The following GALC variants were observed in gnomAD, a reference collection of about 807,000 sequenced individuals.
GALC encodes the protein galactosylceramidase.
Under a neutral mutation model 91.8 loss-of-function variants are expected in GALC, and 77 were observed. That is an observed-to-expected ratio of 0.84 (90% CI 0.70 to 1.01). The LOEUF is 1.01. GALC is among the 50% of genes least tolerant of loss of function. The pLI is 0.00. For missense variants in GALC, 882 were observed against 855.9 expected (o/e 1.03, Z -0.38); for synonymous variants, 357 against 306.7 (o/e 1.16, Z -1.71).
chr14:87,956,407 A>C (rs1024888121), intron 10 of GALC, among the ~76,000 whole-genome samples: 1 of 151,954 alleles, frequency 6.6e-6, no homozygotes, highest in Non-Finnish European at 1.5e-5. Flanking sequence ...AGTTGCTACC[A>C]TATATTATAT....
At chr14:87,950,138 T>C (rs923383496) in intron 11 of GALC, among the ~76,000 whole-genome samples, 2 of 151,994 alleles carry the variant, frequency 1.3e-5, no homozygotes, top group Non-Finnish European at 2.9e-5. Context: ...CTAAAGAATT[T>C]TGGCAAATGA....
intron 8 of GALC, among the ~76,000 whole-genome samples, chr14:87,967,984 T>A (rs1886124544): frequency 6.6e-6 from 1 of 152,200 alleles, no homozygotes. Flanking sequence ...AATATCCTTA[T>A]GTTTTGGAGA....
chr14:87,954,291 G>A, intron 10 of GALC: 1 of 1,561,232 alleles, frequency 6.4e-7, no homozygotes, highest in South Asian at 1.1e-5. Flanking sequence ...AATACTAAGA[G>A]TTGTTGATTT....
At chr14:87,950,062 T>C in intron 11 of GALC, 131 bp from the exon 12 acceptor site, 1 of 533,622 alleles carries the variant, frequency 1.9e-6, no homozygotes. Flanking sequence ...ACACCTCAAA[T>C]ATTAAATAAT....
At chr14:87,992,810 A>T (rs1887264393) in intron 1 of GALC, 160 bp downstream of exon 1, 3 of 1,404,344 alleles carry the variant, frequency 2.1e-6, no homozygotes, top group South Asian at 1.6e-5. Context: ...CCAGCCCCGC[A>T]GCGGGCCCGC....
In GALC at chr14:87,976,380, A is replaced by G; in HGVS notation, c.730T>C (p.Phe244Leu). The G allele has an allele frequency of 6.2e-7, 1 of 1,614,050 alleles. No homozygotes were observed. The highest frequency in any genetic ancestry group is 1.1e-5 in the South Asian group (1 of 91,082). The change falls in exon 7 of 17, where the codon TTC becomes CTC. Residue 244 changes from phenylalanine to leucine, a missense_variant. Phe to Leu is a conservative substitution (Grantham distance 22). Transcript: ENST00000261304. ...SASMLLDAEL[F>L]KVVDVIGAHY... ...TACCCTATAACATCAACCACCTTGA[A>G]GAGTTCGGCATCAAGGAGCATGGAT...
At chr14:87,965,429 TA>T in intron 9 of GALC, 75 bp downstream of exon 9, 1 of 1,473,006 alleles carries the variant, frequency 6.8e-7, no homozygotes, top group South Asian at 1.1e-5. Flanking sequence ...ACAGTTTATA[TA>T]ATCTTCTCTA....
At chr14:87,947,539 G>A (rs1885120589) in intron 13 of GALC, among the ~76,000 whole-genome samples, 189 bp downstream of exon 13, 1 of 151,880 alleles carries the variant, frequency 6.6e-6, no homozygotes, top group East Asian at 1.9e-4. Context: ...AAAATACAGG[G>A]TCCTCAAATT....
At chr14:87,957,647 T>A (rs113008998) in intron 10 of GALC, among the ~76,000 whole-genome samples, 6 of 152,232 alleles carry the variant, frequency 3.9e-5, no homozygotes, top group African/African-American at 9.6e-5. Flanking sequence ...ATGAATTCAG[T>A]AAAGTTTCAA....
rs535870768 is a variant in GALC at position 87,982,833 on chromosome 14, T to C, written c.583-590A>G. ...ACTCCACAGTTGAGAAAACTGTTAA[T>C]AACAAGAGACGATTCTAGAATCCAG... On this transcript the variant is annotated intron_variant, in intron 5 of 16. Transcript: ENST00000261304. 1.2e-3 allele frequency among the ~76,000 whole-genome samples: 188 copies of C among 152,278 alleles called. 1 individual carries two copies. The highest frequency in any genetic ancestry group is 0.012 in the South Asian group (56 of 4,824).
At chr14:87,972,619 A>G (rs1886341854) in intron 7 of GALC, among the ~76,000 whole-genome samples, 1 of 152,172 alleles carries the variant, frequency 6.6e-6, no homozygotes, top group Admixed American at 6.5e-5. Flanking sequence ...TTAAAATGAG[A>G]GAATTATAGA....
intron 6 of GALC, chr14:87,976,852 G>A: frequency 3.9e-6 from 1 of 257,926 alleles, no homozygotes; most frequent in Non-Finnish European, 7.7e-6. Flanking sequence ...CTGACCTCAT[G>A]GATGATAATT....
At chr14:87,957,751 A>C (rs1885617318) in intron 10 of GALC, among the ~76,000 whole-genome samples, 1 of 152,178 alleles carries the variant, frequency 6.6e-6, no homozygotes, top group Non-Finnish European at 1.5e-5. Flanking sequence ...CAATAACTCA[A>C]TCTCTTTTAG....
At chr14:87,959,174 A>G (rs533478507) in intron 10 of GALC, among the ~76,000 whole-genome samples, 7 of 152,298 alleles carry the variant, frequency 4.6e-5, no homozygotes, top group Admixed American at 4.6e-4. Context: ...TGTAATAGAC[A>G]TTTCTCAGAA....
chr14:87,984,180 C>T (rs949463714), intron 5 of GALC, among the ~76,000 whole-genome samples: 1 of 148,190 alleles, frequency 6.7e-6, no homozygotes. Context: ...GAGGTATACA[C>T]TCAACACAGT....
intron 1 of GALC, 105 bp downstream of exon 1, chr14:87,992,865 G>A (rs1286213877): frequency 5.0e-6 from 7 of 1,402,278 alleles, no homozygotes; most frequent in Middle Eastern, 2.6e-4. Flanking sequence ...GCGGCGGAGA[G>A]TGGAGCCGGT....
chr14:87,945,151 G>A (rs365448), intron 14 of GALC, among the ~76,000 whole-genome samples: 74,767 of 151,686 alleles, frequency 0.49, 19,102 homozygotes, highest in African/African-American at 0.6. Flanking sequence ...AGGCTAAGAC[G>A]GTGTAATTCT....
chr14:87,978,840 A>AC (rs1886621944), intron 6 of GALC, among the ~76,000 whole-genome samples: 1 of 151,730 alleles, frequency 6.6e-6, no homozygotes, highest in Non-Finnish European at 1.5e-5. Flanking sequence ...AAAAAAAAAA[A>AC]CTTCAAAGAA....
At chr14:87,935,641 T>C (rs1442977728) in intron 16 of GALC, among the ~76,000 whole-genome samples, 1 of 152,070 alleles carries the variant, frequency 6.6e-6, no homozygotes, top group African/African-American at 2.4e-5. Context: ...ATTATCTTTA[T>C]GATAGTACAT....
Sources: gnomAD v4.1 joint callset for allele counts (sites outside exome capture counted in the v4.1 genomes callset) on GRCh38, gnomAD v4.1.1 for gene constraint, MANE v1.5 for transcripts, NCBI Gene and HGNC (gene_info 2026-07-23, HGNC 2026-07-21) for gene names.